The following USP9X variants were observed in gnomAD, a reference collection of about 807,000 sequenced individuals.
USP9X encodes ubiquitin specific peptidase 9 X-linked.
Under a neutral mutation model 190.3 loss-of-function variants are expected in USP9X, and 7 were observed. The ratio of observed to expected loss-of-function variants is 0.04; its 90% CI spans 0.02 to 0.07. The LOEUF (loss-of-function observed/expected upper bound fraction) is 0.07, where lower values mean the gene tolerates loss of function less well. Among genes scored for constraint, USP9X ranks in the 10% least tolerant of loss-of-function variants. USP9X has a pLI of 1.00. For missense variants in USP9X, 1,010 were observed against 1,916.9 expected, an observed-to-expected ratio of 0.53 and a Z score of 8.83; for synonymous variants, 645 against 659.5, an observed-to-expected ratio of 0.98 and a Z score of 0.34.
chrX:41,207,193 ATTC>A (rs1166329062), intron 32 of USP9X, among the ~76,000 whole-genome samples: 3 of 101,453 alleles, frequency 3.0e-5, no homozygotes, highest in Non-Finnish European at 5.9e-5. Flanking sequence ...GGTTCAAGCA[ATTC>A]TTCAGCCTCA....
intron 38 of USP9X, among the ~76,000 whole-genome samples, chrX:41,220,319 C>T (rs1017772082): frequency 2.7e-5 from 3 of 112,151 alleles, no homozygotes; most frequent in Non-Finnish European, 5.6e-5. Flanking sequence ...TTAGATATTG[C>T]CTGTTCACAA....
At chrX:41,140,134 T>C (rs1569165096) in intron 6 of USP9X, among the ~76,000 whole-genome samples, 1 of 111,802 alleles carries the variant, frequency 8.9e-6, no homozygotes, top group East Asian at 2.8e-4. Context: ...CAGCATATTC[T>C]ACTTAGGAAC....
chrX:41,141,681 AATT>A, intron 9 of USP9X, among the ~76,000 whole-genome samples: 1 of 111,305 alleles, frequency 9.0e-6, no homozygotes, highest in Middle Eastern at 4.7e-3. Context: ...GTTTTGAAGT[AATT>A]ATTAGTTTGT....
At chrX:41,187,893 G>C in intron 24 of USP9X, 99 bp from the exon 25 acceptor site, 1 of 759,085 alleles carries the variant, frequency 1.3e-6, no homozygotes, top group Non-Finnish European at 1.8e-6. Flanking sequence ...GTACTACACA[G>C]TAATTCCTAT....
At chrX:41,106,059 C>T (rs1345551085) in intron 1 of USP9X, among the ~76,000 whole-genome samples, 1 of 111,528 alleles carries the variant, frequency 9.0e-6, no homozygotes, top group East Asian at 2.8e-4. Context: ...AAATGTTTTT[C>T]TTGTAATTTG....
At chrX:41,114,057 G>T (rs2062128857) in intron 1 of USP9X, among the ~76,000 whole-genome samples, 1 of 112,670 alleles carries the variant, frequency 8.9e-6, no homozygotes, top group Non-Finnish European at 1.9e-5. Context: ...TGAGTTTGTT[G>T]TAAGTATCCG....
At chrX:41,219,791 A>AG (rs2063244908) in intron 38 of USP9X, among the ~76,000 whole-genome samples, 2 of 112,064 alleles carry the variant, frequency 1.8e-5, no homozygotes, top group Middle Eastern at 4.6e-3. Context: ...AGACTAACCT[A>AG]GGCACCATAG....
chrX:41,195,744 C>T (rs1185315600), intron 26 of USP9X, among the ~76,000 whole-genome samples: 1 of 112,026 alleles, frequency 8.9e-6, no homozygotes, highest in Non-Finnish European at 1.9e-5. Context: ...CTAATGCCAC[C>T]GCTGATCTGA....
intron 14 of USP9X, among the ~76,000 whole-genome samples, chrX:41,157,591 T>C: frequency 9.0e-6 from 1 of 111,427 alleles, no homozygotes; most frequent in Non-Finnish European, 1.9e-5. Context: ...ATAGCCCTTA[T>C]TTCCCATAGT....
At chrX:41,211,087 G>A (rs2063153684) in intron 33 of USP9X, among the ~76,000 whole-genome samples, 1 of 111,009 alleles carries the variant, frequency 9.0e-6, no homozygotes, top group Non-Finnish European at 1.9e-5. Context: ...GAACTTGTGG[G>A]CTCAAGCAAT....
At chrX:41,127,276 T>G (rs755571462) in intron 2 of USP9X, among the ~76,000 whole-genome samples, 1 of 111,865 alleles carries the variant, frequency 8.9e-6, no homozygotes, top group Admixed American at 9.5e-5. Context: ...ATTAATATTT[T>G]TTTAAGATTC....
Position 41,196,318 on chromosome X carries a change from C to T in USP9X, c.4045C>T (p.Pro1349Ser). The T allele has an allele frequency of 2.5e-6, 3 of 1,211,687 alleles. No homozygotes were observed. The highest frequency in any genetic ancestry group is 1.8e-5 in the South Asian group (1 of 56,963). The change falls in exon 27 of 45, where the codon CCT (proline) becomes TCT (serine). Residue 1349 changes from proline (P) to serine (S), a missense_variant. Around this residue, in one of 11 missense-constraint regions of USP9X, gnomAD observed 351 missense variants for 480.8 expected, o/e 0.73. Coordinates refer to ENST00000378308, the MANE Select transcript of USP9X (RefSeq NM_001039591.3). Reference sequence around the variant, plus strand: ...CACCAGATGTTGCATGGGACACCGGCCTCTACTTTTCTTCATTACTCTACT... The same window carrying T: ...CACCAGATGTTGCATGGGACACCGGTCTCTACTTTTCTTCATTACTCTACT... The part of the protein sequence containing the change: ...MCTRCCMGHR[P>S]LLFFITLLFT...
chrX:41,100,195 C>T (rs1437572941), intron 1 of USP9X, among the ~76,000 whole-genome samples: 2 of 112,359 alleles, frequency 1.8e-5, no homozygotes, highest in Non-Finnish European at 3.8e-5. Flanking sequence ...TCTCATTCTG[C>T]TTTGTAAACT....
At chrX:41,198,468 CTT>C in intron 29 of USP9X, 58 bp from the exon 30 acceptor site, 2 of 861,888 alleles carry the variant, frequency 2.3e-6, no homozygotes, top group Non-Finnish European at 3.1e-6. Flanking sequence ...TACAAGAGAA[CTT>C]TTTTTTTCTA....
At chrX:41,143,081 C>T (rs1253685964) in intron 9 of USP9X, among the ~76,000 whole-genome samples, 1 of 111,018 alleles carries the variant, frequency 9.0e-6, no homozygotes, top group African/African-American at 3.3e-5. Flanking sequence ...TTCTTAATTT[C>T]AGTATTATTT....
intron 41 of USP9X, among the ~76,000 whole-genome samples, chrX:41,228,016 A>T (rs1225037870): frequency 9.1e-6 from 1 of 110,310 alleles, no homozygotes; most frequent in Non-Finnish European, 1.9e-5. Context: ...ATTTTTTTTT[A>T]TTACCCCAAA....
chrX:41,148,276 C>G, intron 11 of USP9X, 93 bp from the exon 12 acceptor site: 2 of 935,189 alleles, frequency 2.1e-6, no homozygotes, highest in Non-Finnish European at 3.0e-6. Context: ...AGCTACGTTG[C>G]TTTTGATGAA....
chrX:41,087,357 CT>C (rs1363119840), intron 1 of USP9X, among the ~76,000 whole-genome samples: 9 of 112,092 alleles, frequency 8.0e-5, no homozygotes, highest in Admixed American at 7.5e-4. Flanking sequence ...GCTGATTACC[CT>C]TAGGTAAGGA....
chrX:41,152,884 G>A (rs1447974629), intron 13 of USP9X, 64 bp from the exon 14 acceptor site: 26 of 1,099,475 alleles, frequency 2.4e-5, no homozygotes, highest in Non-Finnish European at 2.8e-5. Context: ...TAGATAGTAC[G>A]AACTCTTCTG....
Sources: gnomAD v4.1 joint callset for allele counts (sites outside exome capture counted in the v4.1 genomes callset) on GRCh38, gnomAD v4.1.1 for gene constraint, gnomAD v4.1.1 regional missense constraint, MANE v1.5 for transcripts, NCBI Gene and HGNC (gene_info 2026-07-23, HGNC 2026-07-21) for gene names.